Variants in CCNY observed in about 807,000 individuals in gnomAD.
The protein encoded by CCNY is cyclin Y, also known as cyclin-Y.
In CCNY, 19 loss-of-function variants were observed where a neutral mutation model predicts 42.8. That is an observed-to-expected ratio of 0.44 (90% CI 0.31 to 0.65). CCNY has a LOEUF of 0.65. CCNY is among the 30% of genes least tolerant of loss of function. CCNY has a pLI of 0.07. For missense variants in CCNY, 370 were observed against 437.3 expected (o/e 0.85, Z 1.37); for synonymous variants, 165 against 162.7 (o/e 1.01, Z -0.11).
In CCNY at chr10:35,324,717, A is replaced by AT. The variant is rs1047351231; in HGVS notation, c.-9+74099dup. Among the ~76,000 whole-genome samples, 138 of 152,272 alleles carry AT rather than the reference A, an allele frequency of 9.1e-4. 1 individual carries two copies. The highest frequency in any genetic ancestry group is 9.7e-4 in the Non-Finnish European group (66 of 68,006). ...CCAAAATCCAAAAGACCAATAAGGA[A>AT]TTTTTTTTAATTATAGAGTGCTGCT... On this transcript the variant is annotated intron_variant, in intron 3 of 11. Coordinates refer to the CCNY transcript ENST00000374706.
chr10:35,266,114 G>A (rs537818411), intron 3 of CCNY, among the ~76,000 whole-genome samples: 13 of 151,980 alleles, frequency 8.6e-5, no homozygotes, highest in African/African-American at 3.1e-4. Flanking sequence ...GTCTTGCTCT[G>A]TCCCCCAGGC....
chr10:35,550,351 GGCTCATGACCTTACACT>G (rs1336045373), intron 7 of CCNY, among the ~76,000 whole-genome samples: 9 of 152,154 alleles, frequency 5.9e-5, no homozygotes. Context: ...TGTTGCTTAT[GGCTCATGACCTTACACT>G]GCTCATGACC....
At chr10:35,534,527 G>A (rs1840839895) in intron 7 of CCNY, among the ~76,000 whole-genome samples, 1 of 152,198 alleles carries the variant, frequency 6.6e-6, no homozygotes, top group Non-Finnish European at 1.5e-5. Context: ...AGGTGGCAAA[G>A]TGACAGCTGA....
Position 35,265,791 on chromosome 10 carries a change from A to G in CCNY, c.-9+15165A>G, listed in dbSNP as rs2095724522. On this transcript the variant is annotated intron_variant, in intron 3 of 11. Transcript: ENST00000374706. ...AAAGCACATAGCTTCTGAGAGGAGC[A>G]TAGAAGAAGGTCTAGTGGGTTGGCC... Among the ~76,000 whole-genome samples the G allele has an allele frequency of 2.0e-5, 3 of 152,180 alleles. No homozygotes were observed. In the South Asian group the frequency reaches 6.2e-4, roughly 31 times the overall value.
At chr10:35,421,360 C>T (rs1838155275) in intron 1 of CCNY, among the ~76,000 whole-genome samples, 1 of 152,184 alleles carries the variant, frequency 6.6e-6, no homozygotes, top group Admixed American at 6.5e-5. Flanking sequence ...CACTCTCTCT[C>T]TAACTATGTG....
At chr10:35,325,762 G>T (rs968826751) in intron 3 of CCNY, among the ~76,000 whole-genome samples, 1 of 152,138 alleles carries the variant, frequency 6.6e-6, no homozygotes, top group African/African-American at 2.4e-5. Flanking sequence ...GAGTCACTGC[G>T]CTTGGCCCCC....
At chr10:35,326,609 T>G (rs1835883358) in intron 3 of CCNY, among the ~76,000 whole-genome samples, 1 of 152,146 alleles carries the variant, frequency 6.6e-6, no homozygotes, top group South Asian at 2.1e-4. Context: ...TCAGAACCAT[T>G]GCTTCTAGGC....
chr10:35,486,528 ACCTTATCCCTCTCTAGT>A (rs2135372163), intron 2 of CCNY, among the ~76,000 whole-genome samples: 1 of 152,170 alleles, frequency 6.6e-6, no homozygotes, highest in South Asian at 2.1e-4. Context: ...CCTGCCCTTG[ACCTTATCCCTCTCTAGT>A]CCCTGGTCTG....
chr10:35,450,388 A>G (rs1319599052), intron 1 of CCNY, among the ~76,000 whole-genome samples: 2 of 152,120 alleles, frequency 1.3e-5, no homozygotes, highest in African/African-American at 2.4e-5. Context: ...TGGAGGATGT[A>G]GGACATTGTG....
chr10:35,565,069 A>C (rs192098203), intron 8 of CCNY, among the ~76,000 whole-genome samples: 1 of 152,306 alleles, frequency 6.6e-6, no homozygotes, highest in East Asian at 1.9e-4. Flanking sequence ...TGCTCCACAG[A>C]TAGTTCCCTC....
intron 1 of CCNY, among the ~76,000 whole-genome samples, chr10:35,433,252 A>G (rs759919797): frequency 1.3e-4 from 20 of 152,158 alleles, no homozygotes; most frequent in Non-Finnish European, 2.5e-4. Flanking sequence ...CCCTCCTCCT[A>G]TTGTAAAACG....
chr10:35,453,185 C>T (rs1018746465), intron 1 of CCNY, among the ~76,000 whole-genome samples: 1 of 152,168 alleles, frequency 6.6e-6, no homozygotes, highest in Non-Finnish European at 1.5e-5. Flanking sequence ...AGTCTTCCCA[C>T]CTTGGTCTCC....
chr10:35,433,129 G>T (rs191947763), intron 1 of CCNY, among the ~76,000 whole-genome samples: 3 of 152,214 alleles, frequency 2.0e-5, no homozygotes. Context: ...AAGATCCCTT[G>T]AACCCAGGAG....
chr10:35,543,236 A>G (rs1246844896), intron 7 of CCNY, among the ~76,000 whole-genome samples: 1 of 152,222 alleles, frequency 6.6e-6, no homozygotes, highest in Non-Finnish European at 1.5e-5. Context: ...CACAGGACCC[A>G]GCATATAGTT....
At chr10:35,502,391 T>A (rs1381260730) in intron 3 of CCNY, among the ~76,000 whole-genome samples, 1 of 152,242 alleles carries the variant, frequency 6.6e-6, no homozygotes, top group African/African-American at 2.4e-5. Flanking sequence ...ATCTGTGTAT[T>A]TGAAGATCTT....
chr10:35,503,758 A>G (rs563492289), intron 3 of CCNY, among the ~76,000 whole-genome samples: 23 of 152,328 alleles, frequency 1.5e-4, no homozygotes, highest in South Asian at 1.0e-3. Context: ...GAGATGAGGC[A>G]CAAAGAAGTT....
At chr10:35,501,602 CTG>C in intron 3 of CCNY, 67 bp downstream of exon 3, 1 of 1,342,158 alleles carries the variant, frequency 7.5e-7, no homozygotes, top group African/African-American at 1.4e-5. Context: ...AAATAACTGT[CTG>C]TGATGGATGA....
At chr10:35,368,200 T>C (rs1259570968) in intron 1 of CCNY, among the ~76,000 whole-genome samples, 1 of 152,236 alleles carries the variant, frequency 6.6e-6, no homozygotes, top group Non-Finnish European at 1.5e-5. Flanking sequence ...TGGCATAATG[T>C]GTGCTTAGTC....
At chr10:35,426,748 G>A (rs1263555319) in intron 1 of CCNY, among the ~76,000 whole-genome samples, 1 of 152,136 alleles carries the variant, frequency 6.6e-6, no homozygotes, top group Non-Finnish European at 1.5e-5. Flanking sequence ...TTAACTTGAG[G>A]CCAGAAGTCT....
Sources: gnomAD v4.1 joint callset for allele counts (sites outside exome capture counted in the v4.1 genomes callset) on GRCh38, gnomAD v4.1.1 for gene constraint, MANE v1.5 for transcripts, NCBI Gene and HGNC (gene_info 2026-07-23, HGNC 2026-07-21) for gene names.